Variants in CCDC146 observed in about 807,000 individuals in gnomAD.
The protein encoded by CCDC146 is coiled-coil domain containing 146.
CCDC146 carries 92 observed loss-of-function variants against 119.3 expected under a neutral mutation model. The observed-to-expected ratio is 0.77, with a 90% CI of 0.65 to 0.92. The LOEUF (loss-of-function observed/expected upper bound fraction) is 0.92. Ranked by LOEUF, CCDC146 falls within the 40% of genes least tolerant of loss-of-function variation. The pLI is 0.00. For missense variants in CCDC146, 1,000 were observed against 1,103.0 expected (o/e 0.91, Z 1.32); for synonymous variants, 372 against 371.8 (o/e 1.00, Z -0.01).
chr7:77,286,871 G>A lies in CCDC146; in HGVS notation c.2222G>A (p.Arg741His), dbSNP rs368176812. The change falls in exon 16 of 19, where the codon CGC becomes CAC. Residue 741 changes from arginine (R) to histidine (H), a missense_variant. Arg to His is a conservative substitution (Grantham distance 29). Coordinates refer to ENST00000285871, the MANE Select transcript of CCDC146 (RefSeq NM_020879.3). ...AAGCCTGATGGTGAGAATAGAGCTC[G>A]CTTCCTTCCAGGGAAAGATCTGACC... The part of the protein sequence containing the change: ...FVKPDGENRA[R>H]FLPGKDLTEK... The A allele has an allele frequency of 2.2e-5, 35 of 1,613,904 alleles. No individual in the cohort carries two copies. Among genetic ancestry groups the A allele is most frequent in the South Asian group, 6.6e-5 (6 of 91,078 alleles).
rs370638811 is a variant in CCDC146, at chr7:77,286,853, A to G, written c.2204A>G (p.Asp735Gly). The change falls in exon 16 of 19, where the codon GAT (aspartate) becomes GGT (glycine). Residue 735 changes from aspartate to glycine, a missense_variant. Around this residue, in one of 2 missense-constraint regions of CCDC146, gnomAD observed 985 missense variants for 1,045.3 expected, o/e 0.94. Coordinates refer to ENST00000285871, the MANE Select transcript of CCDC146 (RefSeq NM_020879.3). Reference protein sequence around the residue: ...KDLEKQFVKPDGENRARFLPG... With the variant: ...KDLEKQFVKPGGENRARFLPG... Reference sequence around the variant, plus strand: ...CTGGAGAAACAGTTCGTAAAGCCTGATGGTGAGAATAGAGCTCGCTTCCTT... The same window carrying G: ...CTGGAGAAACAGTTCGTAAAGCCTGGTGGTGAGAATAGAGCTCGCTTCCTT... The G allele has an allele frequency of 5.6e-5, 90 of 1,613,984 alleles. No individual in the cohort carries two copies. The highest frequency in any genetic ancestry group is 7.5e-5 in the Non-Finnish European group (88 of 1,179,822).
intron 1 of CCDC146, among the ~76,000 whole-genome samples, chr7:77,127,082 T>C (rs1790698961): frequency 6.6e-6 from 1 of 152,116 alleles, no homozygotes; most frequent in South Asian, 2.1e-4. Flanking sequence ...ATGGGGGGCC[T>C]TCCGGGGCAC....
In CCDC146 at chr7:77,123,552, C is replaced by T. The variant is rs181010414; in HGVS notation, c.-12+820C>T. Among the ~76,000 whole-genome samples the T allele has an allele frequency of 3.1e-3, 465 of 151,838 alleles. 3 individuals are homozygous for T. The highest frequency in any genetic ancestry group is 0.011 in the African/African-American group (435 of 41,406). On this transcript the variant is annotated intron_variant, in intron 1 of 18. Coordinates refer to ENST00000285871, the MANE Select transcript of CCDC146 (RefSeq NM_020879.3). ...CTTTCCTGCCTGGTTTCTCTCTCCCCCTCTGTGCCCCTACTTCCTCCTAAA... is the reference window on the plus strand; with the variant it reads ...CTTTCCTGCCTGGTTTCTCTCTCCCTCTCTGTGCCCCTACTTCCTCCTAAA...
At chr7:77,254,874 C>T (rs1427107708) in intron 5 of CCDC146, among the ~76,000 whole-genome samples, 1 of 152,186 alleles carries the variant, frequency 6.6e-6, no homozygotes, top group Non-Finnish European at 1.5e-5. Flanking sequence ...TAGCTATCAC[C>T]CTCATAGCTC....
intron 6 of CCDC146, 58 bp from the exon 7 acceptor site, chr7:77,258,937 T>C: frequency 8.9e-7 from 1 of 1,122,448 alleles, no homozygotes; most frequent in Non-Finnish European, 1.3e-6. Flanking sequence ...AATTTTCTTG[T>C]CTTAATTGCT....
chr7:77,163,991 C>T (rs1228031347), intron 1 of CCDC146, among the ~76,000 whole-genome samples: 1 of 151,544 alleles, frequency 6.6e-6, no homozygotes, highest in Non-Finnish European at 1.5e-5. Flanking sequence ...TCCCAAGTAG[C>T]TGGAATTACA....
chr7:77,290,769 T>C lies in CCDC146; in HGVS notation c.2416-2183T>C, dbSNP rs756970942. Reference sequence around the variant, plus strand: ...CATAAAAATGTATATTACCTACCATTAAGGAGGCAAAATTTGTGTATAATA... The same window carrying C: ...CATAAAAATGTATATTACCTACCATCAAGGAGGCAAAATTTGTGTATAATA... On this transcript the variant is annotated intron_variant, in intron 17 of 18. Transcript: ENST00000285871. Among the ~76,000 whole-genome samples the C allele has an allele frequency of 3.3e-5, 5 of 152,212 alleles. No individual in the cohort carries two copies. In the South Asian group the frequency reaches 1.0e-3, roughly 31 times the overall value.
At chr7:77,254,743 C>T (rs928347335) in intron 5 of CCDC146, among the ~76,000 whole-genome samples, 180 bp downstream of exon 5, 1 of 151,994 alleles carries the variant, frequency 6.6e-6, no homozygotes, top group Non-Finnish European at 1.5e-5. Context: ...ATAAGTGATG[C>T]CTATTATAGA....
rs1409468761 is a variant in CCDC146, at chr7:77,259,938, AAGTGTGTGTG to A, written c.759-70_759-61del. On this transcript the variant is annotated intron_variant, in intron 7 of 18. Transcript: ENST00000285871. ...AGCCAGCATGGCCTCAAAATAAGGC[AAGTGTGTGTG>A]TGTGTGTGTGTGTGTGTGTGTGTGT... 2.2e-5 allele frequency: 19 copies of A among 871,298 alleles called. No homozygotes were observed. The African/African-American group carries it at 4.0e-4, about 18-fold the overall frequency. 54.0% of individuals were successfully genotyped at this position (871,298 alleles called of 1,614,324 possible). A position where few individuals can be genotyped will look rare whatever the true frequency, so the allele number is the denominator to read the frequency against.
chr7:77,164,641 G>C (rs1791315028), intron 1 of CCDC146, among the ~76,000 whole-genome samples: 1 of 152,184 alleles, frequency 6.6e-6, no homozygotes, highest in Non-Finnish European at 1.5e-5. Context: ...TGAAGCTCAA[G>C]TCCCAGAGGC....
rs373793059 is a variant in CCDC146 at position 77,174,376 on chromosome 7, G to A, written c.156+6552G>A. ...ACTTTTATTGAAGTGGCAGTGAACT[G>A]CAGCAGCAGAGGTTCTGATCCTTGT... On this transcript the variant is annotated intron_variant, in intron 2 of 18. Coordinates refer to ENST00000285871, the MANE Select transcript of CCDC146 (RefSeq NM_020879.3). Among the ~76,000 whole-genome samples the A allele has an allele frequency of 3.9e-5, 6 of 152,226 alleles. No homozygotes were observed. In the East Asian group the frequency reaches 1.2e-3, roughly 29 times the overall value.
chr7:77,220,556 C>T (rs1378638368), intron 2 of CCDC146, among the ~76,000 whole-genome samples: 2 of 152,200 alleles, frequency 1.3e-5, no homozygotes, highest in African/African-American at 4.8e-5. Context: ...ATGTCCATGA[C>T]ATCTTCACAA....
chr7:77,282,395 G>A, intron 14 of CCDC146, 162 bp from the exon 15 acceptor site: 2 of 599,614 alleles, frequency 3.3e-6, no homozygotes, highest in South Asian at 2.2e-5. Flanking sequence ...ATTCCAAAGT[G>A]TGGATGTAAT....
At chr7:77,272,164 A>T (rs1793536928) in intron 9 of CCDC146, among the ~76,000 whole-genome samples, 1 of 152,230 alleles carries the variant, frequency 6.6e-6, no homozygotes, top group South Asian at 2.1e-4. Context: ...ATTCAATTCT[A>T]TACTGAGTTC....
intron 2 of CCDC146, among the ~76,000 whole-genome samples, chr7:77,235,175 C>G (rs143404849): frequency 9.9e-5 from 15 of 152,252 alleles, no homozygotes; most frequent in African/African-American, 3.6e-4. Flanking sequence ...CAGTGAAGGA[C>G]AAGGTAATCT....
At chr7:77,267,857 G>C (rs895709335) in intron 9 of CCDC146, among the ~76,000 whole-genome samples, 3 of 152,062 alleles carry the variant, frequency 2.0e-5, no homozygotes, top group Admixed American at 2.0e-4. Flanking sequence ...AAACACATTT[G>C]ATGGCCTATT....
At chr7:77,130,659 C>T (rs1385532120) in intron 1 of CCDC146, among the ~76,000 whole-genome samples, 3 of 142,704 alleles carry the variant, frequency 2.1e-5, no homozygotes, top group South Asian at 4.3e-4. Context: ...AGTGCAGTGG[C>T]GCGATCTCGA....
At chr7:77,271,564 A>C (rs1424519285) in intron 9 of CCDC146, among the ~76,000 whole-genome samples, 1 of 70,556 alleles carries the variant, frequency 1.4e-5, no homozygotes, top group African/African-American at 5.3e-5. Flanking sequence ...ATATATATAT[A>C]TATATGGAGA....
Position 77,238,606 on chromosome 7 carries a change from A to T in CCDC146, c.239+1577A>T, listed in dbSNP as rs555555552. Reference sequence around the variant, plus strand: ...TAATTTTTTTGTATTTTTAGTAGAGATGGGGTTTCACTGGGTTAGCCAGGA... The same window carrying T: ...TAATTTTTTTGTATTTTTAGTAGAGTTGGGGTTTCACTGGGTTAGCCAGGA... On this transcript the variant is annotated intron_variant, in intron 3 of 18. Transcript: ENST00000285871. 8.5e-5 allele frequency among the ~76,000 whole-genome samples: 13 copies of T among 152,126 alleles called. No homozygotes were observed. In the East Asian group the frequency reaches 2.3e-3, roughly 27 times the overall value.
Sources: allele counts gnomAD v4.1 joint callset (sites outside exome capture counted in the v4.1 genomes callset), GRCh38; gene constraint gnomAD v4.1.1; regional missense constraint gnomAD v4.1.1; transcripts MANE v1.5; gene names NCBI Gene and HGNC (gene_info 2026-07-23, HGNC 2026-07-21).